The following FHIT variants were observed in gnomAD, a reference collection of about 807,000 sequenced individuals.
FHIT encodes the protein fragile histidine triad diadenosine triphosphatase.
Under a neutral mutation model 17.9 loss-of-function variants are expected in FHIT, and 19 were observed. The observed-to-expected ratio is 1.06, with a 90% CI of 0.74 to 1.56. The LOEUF (loss-of-function observed/expected upper bound fraction) is 1.56, where lower values mean the gene tolerates loss of function less well. FHIT is among the 40% of genes most tolerant of loss of function. The pLI, the probability that FHIT is intolerant of heterozygous loss-of-function variation, is 0.00. For missense variants in FHIT, 248 were observed against 189.2 expected (o/e 1.31, Z -1.82); for synonymous variants, 81 against 69.7 (o/e 1.16, Z -0.81).
At chr3:60,653,375 G>A (rs2040040479) in intron 4 of FHIT, among the ~76,000 whole-genome samples, 1 of 152,094 alleles carries the variant, frequency 6.6e-6, no homozygotes, top group African/African-American at 2.4e-5. Flanking sequence ...TAGAAAGTTT[G>A]TAGGCAACGT....
At chr3:61,091,012 C>A (rs1575994688) in intron 2 of FHIT, among the ~76,000 whole-genome samples, 1 of 152,184 alleles carries the variant, frequency 6.6e-6, no homozygotes, top group African/African-American at 2.4e-5. Context: ...ACAGCATTAT[C>A]TTCTGTGGTT....
chr3:60,588,377 C>T (rs1011597792), intron 4 of FHIT, among the ~76,000 whole-genome samples: 3 of 150,718 alleles, frequency 2.0e-5, no homozygotes, highest in African/African-American at 4.9e-5. Flanking sequence ...AATCTAAGTA[C>T]GGAATGTGAA....
At chr3:60,273,663 C>T (rs139247212) in intron 5 of FHIT, among the ~76,000 whole-genome samples, 174 of 152,274 alleles carry the variant, frequency 1.1e-3, no homozygotes, top group Middle Eastern at 0.01. Context: ...GCTGATCATA[C>T]TGCTATTCTA....
rs571833809 is a variant in FHIT, at chr3:60,152,101, T to C, written c.104-137949A>G. On this transcript the variant is annotated intron_variant, in intron 5 of 9. Transcript: ENST00000492590. ...AACATGATGCAACACAGACCAACGT[T>C]CAGATCCTACAAGGTCTAATAATGT... Among the ~76,000 whole-genome samples, 6 of 152,282 alleles carry C rather than the reference T, an allele frequency of 3.9e-5. No individual in the cohort carries two copies. In the East Asian group the frequency reaches 7.7e-4, roughly 20 times the overall value.
At chr3:60,116,494 C>G (rs4679634) in intron 5 of FHIT, among the ~76,000 whole-genome samples, 10,412 of 152,134 alleles carry the variant, frequency 0.068, 1,027 homozygotes, top group East Asian at 0.43. Context: ...CTTTTCTCAC[C>G]TCCTTGAGAT....
chr3:60,210,198 T>G (rs898559707), intron 5 of FHIT, among the ~76,000 whole-genome samples: 3 of 152,124 alleles, frequency 2.0e-5, no homozygotes, highest in African/African-American at 7.2e-5. Context: ...CTTAAATCAC[T>G]GGGGAGAAGA....
At chr3:60,267,356 C>T (rs992320201) in intron 5 of FHIT, among the ~76,000 whole-genome samples, 4 of 151,740 alleles carry the variant, frequency 2.6e-5, no homozygotes, top group Non-Finnish European at 4.4e-5. Flanking sequence ...TTGCAAATTG[C>T]ATAATGTAAT....
chr3:61,010,923 G>A (rs2031752661), intron 3 of FHIT, among the ~76,000 whole-genome samples: 2 of 152,178 alleles, frequency 1.3e-5, no homozygotes, highest in Admixed American at 1.3e-4. Context: ...ATATGTAGGA[G>A]TAATGGCATA....
At chr3:61,185,639 A>C (rs1456004342) in intron 2 of FHIT, among the ~76,000 whole-genome samples, 1 of 152,210 alleles carries the variant, frequency 6.6e-6, no homozygotes, top group African/African-American at 2.4e-5. Flanking sequence ...CTGCAGCAGG[A>C]GATGAGGATG....
At chr3:61,078,193 A>G (rs2035027986) in intron 2 of FHIT, among the ~76,000 whole-genome samples, 1 of 152,174 alleles carries the variant, frequency 6.6e-6, no homozygotes, top group African/African-American at 2.4e-5. Context: ...ACTTCTAAAT[A>G]TATAAATCCC....
intron 4 of FHIT, among the ~76,000 whole-genome samples, chr3:60,820,993 T>C (rs1701908852): frequency 6.6e-6 from 1 of 151,974 alleles, no homozygotes; most frequent in Admixed American, 6.6e-5. Context: ...ATGGGGTTTT[T>C]TTGGCAGGGT....
At chr3:60,062,142 C>A (rs981766709) in intron 5 of FHIT, among the ~76,000 whole-genome samples, 1 of 152,192 alleles carries the variant, frequency 6.6e-6, no homozygotes, top group Admixed American at 6.5e-5. Context: ...CAAAAGATCA[C>A]CAATCAATAA....
chr3:60,715,253 T>C (rs1480230041), intron 4 of FHIT, among the ~76,000 whole-genome samples: 2 of 152,078 alleles, frequency 1.3e-5, no homozygotes, highest in Non-Finnish European at 1.5e-5. Flanking sequence ...TGAAACTGGA[T>C]CCCTTTCTTA....
At chr3:59,799,345 C>T (rs1699903366) in intron 8 of FHIT, among the ~76,000 whole-genome samples, 1 of 152,032 alleles carries the variant, frequency 6.6e-6, no homozygotes, top group South Asian at 2.1e-4. Context: ...TCCTACTGGG[C>T]AAGACTATAA....
chr3:60,802,500 A>G (rs1404075723), intron 4 of FHIT, among the ~76,000 whole-genome samples: 2 of 152,234 alleles, frequency 1.3e-5, no homozygotes, highest in Non-Finnish European at 2.9e-5. Context: ...ATTTAAAGAA[A>G]CTGCAAAATG....
chr3:59,869,392 G>GA (rs1371876599), intron 8 of FHIT, among the ~76,000 whole-genome samples: 1 of 149,638 alleles, frequency 6.7e-6, no homozygotes, highest in African/African-American at 2.5e-5. Context: ...TCACATTATA[G>GA]AAAAAAACCA....
chr3:61,119,103 T>C (rs893539376), intron 2 of FHIT, among the ~76,000 whole-genome samples: 3 of 152,168 alleles, frequency 2.0e-5, no homozygotes, highest in Admixed American at 6.5e-5. Context: ...AATCAATTGA[T>C]GGCTGCAATT....
Position 60,401,242 on chromosome 3 carries a change from A to C in FHIT, c.103+135618T>G, listed in dbSNP as rs142690516. Among the ~76,000 whole-genome samples the C allele has an allele frequency of 6.6e-5, 10 of 152,312 alleles. 1 individual carries two copies. Among genetic ancestry groups the C allele is most frequent in the Admixed American group, 4.6e-4 (7 of 15,294 alleles). On this transcript the variant is annotated intron_variant, in intron 5 of 9. Transcript: ENST00000492590. ...GAAGTGAAATCCAAGTTTCACCTCC[A>C]TATACATGTGATCTCCAAAGTGGTT...
intron 5 of FHIT, among the ~76,000 whole-genome samples, chr3:60,290,166 A>G (rs1707915991): frequency 6.6e-6 from 1 of 152,128 alleles, no homozygotes; most frequent in Admixed American, 6.5e-5. Context: ...AAGTCAGCAC[A>G]TACCCTAAGC....
Sources: gnomAD v4.1 joint callset for allele counts (sites outside exome capture counted in the v4.1 genomes callset) on GRCh38, gnomAD v4.1.1 for gene constraint, MANE v1.5 for transcripts, NCBI Gene and HGNC (gene_info 2026-07-23, HGNC 2026-07-21) for gene names.